Variants in DMD observed in about 807,000 individuals in gnomAD.
DMD encodes the protein mutant dystrophin.
DMD carries 63 observed loss-of-function variants against 330.1 expected under a neutral mutation model. That is an observed-to-expected ratio of 0.19 (90% CI 0.16 to 0.24). The LOEUF is 0.24. Ranked by LOEUF, DMD falls within the 10% of genes least tolerant of loss-of-function variation. DMD has a pLI of 1.00. For missense variants in DMD, 3,344 were observed against 2,684.1 expected (o/e 1.25, Z -5.43); for synonymous variants, 1,223 against 959.8 (o/e 1.27, Z -5.07).
chrX:32,564,070 T>C (rs770959267), intron 16 of DMD, among the ~76,000 whole-genome samples: 6 of 111,499 alleles, frequency 5.4e-5, no homozygotes, highest in Admixed American at 1.9e-4. Flanking sequence ...GGTCTGCAGA[T>C]TGTATCAAAG....
At chrX:31,568,799 G>T (rs746749281) in intron 55 of DMD, among the ~76,000 whole-genome samples, 9 of 110,362 alleles carry the variant, frequency 8.2e-5, no homozygotes, top group African/African-American at 3.0e-4. Flanking sequence ...CACCTTATTT[G>T]GTTTCTGTTT....
chrX:32,685,269 T>A (rs776983097), intron 9 of DMD, among the ~76,000 whole-genome samples: 1 of 111,499 alleles, frequency 9.0e-6, no homozygotes. Flanking sequence ...CTAATCTTAT[T>A]TCTCATTCCA....
At chrX:31,862,907 G>C (rs2093731081) in intron 48 of DMD, among the ~76,000 whole-genome samples, 1 of 112,838 alleles carries the variant, frequency 8.9e-6, no homozygotes, top group Non-Finnish European at 1.9e-5. Context: ...GATCGAGAAA[G>C]AGGCCATCCG....
intron 67 of DMD, among the ~76,000 whole-genome samples, chrX:31,184,058 G>A (rs375433663): frequency 2.7e-5 from 3 of 109,886 alleles, no homozygotes; most frequent in Admixed American, 1.9e-4. Flanking sequence ...ATGGGCACAC[G>A]CCACCCCACC....
At chrX:32,382,208 T>A (rs1473654084) in intron 33 of DMD, among the ~76,000 whole-genome samples, 1 of 111,787 alleles carries the variant, frequency 8.9e-6, no homozygotes, top group East Asian at 2.8e-4. Flanking sequence ...TTGGCTTTTG[T>A]TGCTAAGAAA....
intron 59 of DMD, among the ~76,000 whole-genome samples, chrX:31,447,929 C>T (rs1348809303): frequency 9.4e-6 from 1 of 105,980 alleles, no homozygotes; most frequent in Non-Finnish European, 1.9e-5. Flanking sequence ...AGCGCTTGAA[C>T]CTGGGAGGTG....
intron 4 of DMD, among the ~76,000 whole-genome samples, chrX:32,833,893 C>G (rs891950269): frequency 1.8e-5 from 2 of 110,060 alleles, no homozygotes; most frequent in Non-Finnish European, 3.8e-5. Flanking sequence ...ACTAATTTCC[C>G]TTAAAGCAAG....
intron 11 of DMD, among the ~76,000 whole-genome samples, chrX:32,640,329 A>G (rs148001093): frequency 0.016 from 1,706 of 108,674 alleles, 34 homozygotes; most frequent in African/African-American, 0.055. Context: ...CTGTTTTACA[A>G]AACTATAAAG....
At chrX:32,816,735 T>C (rs2077795419) in intron 5 of DMD, 95 bp from the exon 6 acceptor site, 3 of 860,478 alleles carry the variant, frequency 3.5e-6, no homozygotes, top group South Asian at 2.1e-5. Flanking sequence ...CAGTGATAAA[T>C]AGAAATTTTA....
At position 32,099,585 on chromosome X, in the gene DMD, C is replaced by T. The variant is rs761677661; in HGVS notation, c.6438+117331G>A. Among the ~76,000 whole-genome samples the T allele has an allele frequency of 1.0e-4, 11 of 109,616 alleles. No homozygotes were observed. In the South Asian group the frequency reaches 2.4e-3, roughly 24 times the overall value. ...CCAGAAAAAATGATGAGTTCATGTC[C>T]TTTGTAGGGACATGGATGAAACTGG... On this transcript the variant is annotated intron_variant, in intron 44 of 78. Coordinates refer to ENST00000357033, the MANE Select transcript of DMD (RefSeq NM_004006.3).
chrX:32,620,686 T>C (rs776715304), intron 11 of DMD, among the ~76,000 whole-genome samples: 2 of 112,351 alleles, frequency 1.8e-5, no homozygotes, highest in Non-Finnish European at 3.8e-5. Flanking sequence ...AAATCTTTAC[T>C]GAGTTTCATA....
chrX:33,025,106 G>A (rs1325859), intron 1 of DMD, among the ~76,000 whole-genome samples: 7,194 of 111,328 alleles, frequency 0.065, 403 homozygotes, highest in African/African-American at 0.18. Flanking sequence ...AATTTAAAGC[G>A]TATTATAGGA....
intron 45 of DMD, among the ~76,000 whole-genome samples, chrX:31,967,060 A>G (rs986849577): frequency 9.1e-6 from 1 of 110,339 alleles, no homozygotes; most frequent in African/African-American, 3.3e-5. Flanking sequence ...GACATTATAC[A>G]GGTTTATACC....
intron 1 of DMD, among the ~76,000 whole-genome samples, chrX:33,121,340 C>T (rs2095423768): frequency 9.1e-6 from 1 of 109,734 alleles, no homozygotes; most frequent in Non-Finnish European, 1.9e-5. Context: ...AAGTGATTCT[C>T]CTGCCTCAGC....
intron 60 of DMD, among the ~76,000 whole-genome samples, chrX:31,407,596 CG>C (rs2061457349): frequency 9.3e-6 from 1 of 107,529 alleles, no homozygotes; most frequent in Non-Finnish European, 1.9e-5. Context: ...CTCAGCCTCC[CG>C]AGTAGCTGGG....
intron 7 of DMD, among the ~76,000 whole-genome samples, chrX:32,747,739 A>G (rs758409810): frequency 1.6e-4 from 18 of 110,655 alleles, no homozygotes; most frequent in Non-Finnish European, 3.2e-4. Context: ...TTGGCCTCCC[A>G]AAGTGCTGGG....
intron 54 of DMD, among the ~76,000 whole-genome samples, chrX:31,632,919 C>A (rs1028103807): frequency 1.8e-5 from 2 of 111,909 alleles, no homozygotes; most frequent in Admixed American, 1.9e-4. Context: ...CTATTAGTAA[C>A]GTGCACTAAT....
chrX:32,710,704 A>T (rs930684865), intron 7 of DMD, among the ~76,000 whole-genome samples: 1 of 111,046 alleles, frequency 9.0e-6, no homozygotes, highest in Non-Finnish European at 1.9e-5. Flanking sequence ...AAGTGCTCTC[A>T]GACTGAGGAT....
At position 32,386,040 on chromosome X, in the gene DMD, T is replaced by C. The variant is rs57969988; in HGVS notation, c.4674+270A>G. 0.16 allele frequency among the ~76,000 whole-genome samples: 17,781 copies of C among 109,535 alleles called. 1,420 individuals carry two copies. Among genetic ancestry groups the C allele is most frequent in the African/African-American group, 0.3 (9,149 of 30,120 alleles). On this transcript the variant is annotated intron_variant, in intron 33 of 78. Transcript: ENST00000357033. ...AAAACCTCCCTGAGCGTTACGTATT[T>C]TTCAATCTGAATAAGCAGAGCCTCA...
Sources: allele counts gnomAD v4.1 joint callset (sites outside exome capture counted in the v4.1 genomes callset), GRCh38; gene constraint gnomAD v4.1.1; transcripts MANE v1.5; gene names NCBI Gene and HGNC (gene_info 2026-07-23, HGNC 2026-07-21).